The following ATG10 variants were observed in gnomAD, a reference collection of about 807,000 sequenced individuals.
ATG10 encodes autophagy related 10.
A neutral mutation model predicts 32.1 loss-of-function variants in ATG10; 30 were observed. That is an observed-to-expected ratio of 0.94 (90% CI 0.70 to 1.27). The LOEUF (loss-of-function observed/expected upper bound fraction) is 1.27. Among genes scored for constraint, ATG10 ranks in the 50% most tolerant of loss-of-function variants. The pLI, the probability that ATG10 is intolerant of heterozygous loss-of-function variation, is 0.00. For synonymous variants in ATG10, 87 were observed against 91.5 expected (o/e 0.95, Z 0.28); for missense variants, 233 against 262.3 (o/e 0.89, Z 0.77).
chr5:81,988,873 A>C (rs1021833298), intron 2 of ATG10, among the ~76,000 whole-genome samples: 5 of 152,194 alleles, frequency 3.3e-5, no homozygotes, highest in African/African-American at 1.2e-4. Context: ...TTTGTCACCC[A>C]GGCTGGAGTG....
intron 2 of ATG10, among the ~76,000 whole-genome samples, chr5:82,013,014 T>A (rs139168183): frequency 6.7e-6 from 1 of 150,050 alleles, no homozygotes; most frequent in African/African-American, 2.5e-5. Flanking sequence ...CAGGCTGGAG[T>A]GCAGTGGCAC....
intron 3 of ATG10, among the ~76,000 whole-genome samples, chr5:82,092,744 G>T (rs530262524): frequency 7.9e-4 from 121 of 152,242 alleles, no homozygotes; most frequent in African/African-American, 2.9e-3. Context: ...GTCAAAAGAA[G>T]CTGCAAGCTC....
chr5:82,086,732 G>A (rs1764709709), intron 3 of ATG10, among the ~76,000 whole-genome samples: 1 of 152,172 alleles, frequency 6.6e-6, no homozygotes, highest in Admixed American at 6.6e-5. Flanking sequence ...CCACACAAGT[G>A]CATGTGTATC....
At chr5:81,979,508 A>G (rs1329007077) in intron 1 of ATG10, among the ~76,000 whole-genome samples, 1 of 152,110 alleles carries the variant, frequency 6.6e-6, no homozygotes, top group African/African-American at 2.4e-5. Flanking sequence ...AGCCTGGGCA[A>G]CAGAGCGACA....
intron 5 of ATG10, among the ~76,000 whole-genome samples, chr5:82,221,663 C>G (rs1421804138): frequency 6.6e-6 from 1 of 152,072 alleles, no homozygotes; most frequent in Non-Finnish European, 1.5e-5. Flanking sequence ...TGATAGGACT[C>G]AAAAGCCACA....
At chr5:82,187,437 C>T (rs1430464315) in intron 5 of ATG10, among the ~76,000 whole-genome samples, 1 of 145,292 alleles carries the variant, frequency 6.9e-6, no homozygotes. Flanking sequence ...CTTGAACTGT[C>T]GGGAAGCAGA....
intron 5 of ATG10, among the ~76,000 whole-genome samples, chr5:82,187,043 C>T (rs951661342): frequency 2.0e-5 from 3 of 150,052 alleles, no homozygotes; most frequent in African/African-American, 7.4e-5. Flanking sequence ...CATGGTGGCT[C>T]ATAACTGCAA....
intron 3 of ATG10, among the ~76,000 whole-genome samples, chr5:82,065,961 G>A (rs1368561224): frequency 6.6e-6 from 1 of 151,740 alleles, no homozygotes; most frequent in Non-Finnish European, 1.5e-5. Flanking sequence ...GACTAGAGTT[G>A]AGAAATAAGG....
intron 5 of ATG10, among the ~76,000 whole-genome samples, chr5:82,227,641 G>C (rs1440529917): frequency 6.6e-6 from 1 of 152,072 alleles, no homozygotes; most frequent in Non-Finnish European, 1.5e-5. Flanking sequence ...CTCCCAAAGT[G>C]CTGAGATTAC....
At position 82,095,155 on chromosome 5, in the gene ATG10, C is replaced by T. The variant is rs184784956; in HGVS notation, c.216+36553C>T. ...CTGTATATAGAAGGGTTGCAAAGTT[C>T]TTAGAAACTAGATTATAAAATGGAG... On this transcript the variant is annotated intron_variant, in intron 3 of 7. Coordinates refer to ENST00000282185, the MANE Select transcript of ATG10 (RefSeq NM_031482.5). Among the ~76,000 whole-genome samples the T allele has an allele frequency of 3.0e-3, 450 of 152,140 alleles. 8 individuals are homozygous for T. The highest frequency in any genetic ancestry group is 2.4e-3 in the Non-Finnish European group (161 of 67,974).
At chr5:82,012,669 T>C (rs1762159768) in intron 2 of ATG10, among the ~76,000 whole-genome samples, 1 of 152,162 alleles carries the variant, frequency 6.6e-6, no homozygotes, top group Non-Finnish European at 1.5e-5. Flanking sequence ...TTTACTGTTT[T>C]TTTTTGAGAC....
At position 82,208,279 on chromosome 5, in the gene ATG10, A is replaced by T. The variant is rs146336509; in HGVS notation, c.453+29692A>T. ...CTATTCTTTTTTTTTTTCCTTGCCT[A>T]TGCTGGACTCTTAATTTCCATTTAA... On this transcript the variant is annotated intron_variant, in intron 5 of 7. Coordinates refer to ENST00000282185, the MANE Select transcript of ATG10 (RefSeq NM_031482.5). Among the ~76,000 whole-genome samples the T allele has an allele frequency of 1.6e-3, 238 of 150,564 alleles. 2 individuals carry two copies. Among genetic ancestry groups the T allele is most frequent in the African/African-American group, 5.4e-3 (222 of 40,986 alleles).
At chr5:82,112,213 G>A (rs1765642386) in intron 3 of ATG10, among the ~76,000 whole-genome samples, 2 of 152,034 alleles carry the variant, frequency 1.3e-5, no homozygotes, top group Admixed American at 1.3e-4. Flanking sequence ...GATGTCCACT[G>A]CATCTTTCTC....
intron 3 of ATG10, among the ~76,000 whole-genome samples, chr5:82,085,769 C>T (rs1436193307): frequency 2.6e-5 from 4 of 152,040 alleles, no homozygotes; most frequent in Admixed American, 6.6e-5. Context: ...ACACTAGGTA[C>T]AAAGTTTAAA....
At chr5:82,030,532 C>A (rs1762716191) in intron 2 of ATG10, among the ~76,000 whole-genome samples, 1 of 152,172 alleles carries the variant, frequency 6.6e-6, no homozygotes, top group Non-Finnish European at 1.5e-5. Context: ...TTCCTAGTAA[C>A]TTCTTACTCC....
intron 5 of ATG10, among the ~76,000 whole-genome samples, chr5:82,239,355 T>C (rs1430098758): frequency 6.6e-6 from 1 of 152,102 alleles, no homozygotes; most frequent in African/African-American, 2.4e-5. Context: ...ACCTACTAGA[T>C]GAAAGGCACT....
chr5:82,049,107 C>A (rs953720978), intron 2 of ATG10, among the ~76,000 whole-genome samples: 159 of 150,580 alleles, frequency 1.1e-3, no homozygotes, highest in South Asian at 3.4e-3. Context: ...ACGTATGTTT[C>A]TTGCGGCATT....
At chr5:82,183,514 A>G (rs1287852249) in intron 5 of ATG10, among the ~76,000 whole-genome samples, 1 of 152,060 alleles carries the variant, frequency 6.6e-6, no homozygotes, top group Non-Finnish European at 1.5e-5. Flanking sequence ...TGGCAAGAAT[A>G]CTTCATGGTT....
intron 2 of ATG10, among the ~76,000 whole-genome samples, chr5:82,038,136 T>G (rs1762988447): frequency 6.6e-6 from 1 of 152,224 alleles, no homozygotes; most frequent in Admixed American, 6.5e-5. Flanking sequence ...ATATTTATTT[T>G]GGAAAATAAT....
Sources: gnomAD v4.1 joint callset for allele counts (sites outside exome capture counted in the v4.1 genomes callset) on GRCh38, gnomAD v4.1.1 for gene constraint, MANE v1.5 for transcripts, NCBI Gene and HGNC (gene_info 2026-07-23, HGNC 2026-07-21) for gene names.